The following CD9 variants were observed in gnomAD, a reference collection of about 807,000 sequenced individuals.
CD9 encodes CD9 molecule, also known as CD9 antigen.
CD9 carries 10 observed loss-of-function variants against 31.4 expected under a neutral mutation model. The ratio of observed to expected loss-of-function variants is 0.32; its 90% CI spans 0.20 to 0.54. The LOEUF is 0.54. Ranked by LOEUF, CD9 falls within the 20% of genes least tolerant of loss-of-function variation. The probability of loss-of-function intolerance (pLI) is 0.94; values close to 1 mark genes in which losing one functional copy is unlikely to be tolerated. For missense variants in CD9, 259 were observed against 300.1 expected, an observed-to-expected ratio of 0.86 and a Z score of 1.01; for synonymous variants, 113 against 114.1, an observed-to-expected ratio of 0.99 and a Z score of 0.06.
chr12:6,233,111 A>G lies in CD9; in HGVS notation c.274-301A>G, dbSNP rs11568263. 4.5e-3 allele frequency: 3,117 copies of G among 700,156 alleles called. 78 individuals are homozygous for G. The African/African-American group carries it at 0.047, about 11-fold the overall frequency. The allele number at this position is 700,156 out of a possible 1,614,324, so 43.4% of individuals were successfully genotyped here. ...TTGCCCAAATCTCTTGTCTTTTGTG[A>G]ACAATAGTAGTTGCCTGCTCACTGA... On this transcript the variant is annotated intron_variant, in intron 3 of 7. Coordinates refer to ENST00000009180, the MANE Select transcript of CD9 (RefSeq NM_001769.4).
At chr12:6,233,345 A>G in intron 3 of CD9, 67 bp from the exon 4 acceptor site, 1 of 1,199,458 alleles carries the variant, frequency 8.3e-7, no homozygotes, top group South Asian at 1.2e-5. Flanking sequence ...TTGTCCCAAA[A>G]TACCCTTTGA....
intron 1 of CD9, among the ~76,000 whole-genome samples, chr12:6,202,721 G>A (rs144894837): frequency 6.6e-6 from 1 of 152,370 alleles, no homozygotes; most frequent in Non-Finnish European, 1.5e-5. Flanking sequence ...CAGCCTAGGT[G>A]CAGCTGATGA....
intron 1 of CD9, among the ~76,000 whole-genome samples, chr12:6,219,963 C>T (rs758986269): frequency 3.3e-5 from 5 of 152,118 alleles, no homozygotes; most frequent in Non-Finnish European, 4.4e-5. Context: ...AATGACCATC[C>T]GTCCAAAGCA....
chr12:6,224,231 G>A (rs1415465775), intron 1 of CD9, among the ~76,000 whole-genome samples: 1 of 152,148 alleles, frequency 6.6e-6, no homozygotes, highest in Non-Finnish European at 1.5e-5. Context: ...AAAAGGCAGG[G>A]AAGGGCCGCA....
At chr12:6,203,801 AG>A (rs1946100313) in intron 1 of CD9, among the ~76,000 whole-genome samples, 1 of 152,164 alleles carries the variant, frequency 6.6e-6, no homozygotes, top group South Asian at 2.1e-4. Context: ...GGTTAGGGCC[AG>A]TCCAGTCTGA....
intron 1 of CD9, among the ~76,000 whole-genome samples, chr12:6,206,345 C>A (rs1318398972): frequency 6.6e-6 from 1 of 151,994 alleles, no homozygotes. Flanking sequence ...ACCTCAGCCT[C>A]CTGAGTAACT....
At chr12:6,219,055 G>A (rs1946268182) in intron 1 of CD9, among the ~76,000 whole-genome samples, 1 of 152,158 alleles carries the variant, frequency 6.6e-6, no homozygotes, top group African/African-American at 2.4e-5. Context: ...ACCCAGGCTG[G>A]AGTGCAGTGG....
intron 1 of CD9, among the ~76,000 whole-genome samples, chr12:6,202,577 A>G (rs1369053705): frequency 6.6e-6 from 1 of 152,190 alleles, no homozygotes; most frequent in African/African-American, 2.4e-5. Flanking sequence ...GCCCCATGGC[A>G]TATGCAGGAA....
chr12:6,209,683 T>C (rs1011888137), intron 1 of CD9, among the ~76,000 whole-genome samples: 53 of 54,732 alleles, frequency 9.7e-4, no homozygotes, highest in African/African-American at 2.2e-3. Flanking sequence ...AAATTTCTTT[T>C]TTTTTTTTTT....
chr12:6,204,275 A>G (rs1176617172), intron 1 of CD9, among the ~76,000 whole-genome samples: 1 of 152,240 alleles, frequency 6.6e-6, no homozygotes, highest in Non-Finnish European at 1.5e-5. Flanking sequence ...AACCCAAAAT[A>G]GGAACCAATA....
intron 2 of CD9, among the ~76,000 whole-genome samples, chr12:6,230,309 C>A (rs1219619413): frequency 1.3e-5 from 2 of 152,230 alleles, no homozygotes; most frequent in African/African-American, 4.8e-5. Context: ...CTCTGCTGAG[C>A]CCTAGCATGA....
At chr12:6,218,041 AT>A (rs746750956) in intron 1 of CD9, among the ~76,000 whole-genome samples, 245 of 152,246 alleles carry the variant, frequency 1.6e-3, no homozygotes, top group Non-Finnish European at 2.8e-3. Flanking sequence ...CCTGGACAAC[AT>A]GGGGAAACTT....
chr12:6,228,203 C>T (rs991530501), intron 2 of CD9, among the ~76,000 whole-genome samples: 1 of 152,150 alleles, frequency 6.6e-6, no homozygotes, highest in Non-Finnish European at 1.5e-5. Context: ...GCAGAAGCGC[C>T]GGCAAGGGGG....
intron 1 of CD9, among the ~76,000 whole-genome samples, chr12:6,210,571 G>A (rs960694509): frequency 3.3e-5 from 5 of 152,196 alleles, no homozygotes; most frequent in Admixed American, 3.3e-4. Flanking sequence ...GGGAGGAGGC[G>A]CGTCTGCAAG....
At chr12:6,226,314 G>C (rs574898861) in intron 2 of CD9, 1 of 152,284 alleles carries the variant, frequency 6.6e-6, no homozygotes, top group African/African-American at 2.4e-5. Context: ...AGTTGCCCGC[G>C]TCTGCGTGAA....
At chr12:6,230,027 G>A (rs566933182) in intron 2 of CD9, among the ~76,000 whole-genome samples, 2 of 152,290 alleles carry the variant, frequency 1.3e-5, no homozygotes, top group East Asian at 3.9e-4. Context: ...CAAGCTTGGG[G>A]TGTAAGCGAT....
chr12:6,218,328 A>G (rs376554972), intron 1 of CD9, among the ~76,000 whole-genome samples: 5 of 152,208 alleles, frequency 3.3e-5, no homozygotes, highest in African/African-American at 9.6e-5. Flanking sequence ...TTTGACCACA[A>G]AGGATTTTTC....
intron 1 of CD9, 133 bp downstream of exon 1, chr12:6,200,698 GC>G: frequency 3.5e-6 from 2 of 570,492 alleles, no homozygotes; most frequent in Middle Eastern, 7.3e-4. Flanking sequence ...AAGAGAGAGC[GC>G]CCTGCGGCTG....
chr12:6,229,435 TAC>T (rs144825111), intron 2 of CD9, among the ~76,000 whole-genome samples: 141 of 152,272 alleles, frequency 9.3e-4, no homozygotes, highest in African/African-American at 3.3e-3. Flanking sequence ...CAGCACAGCT[TAC>T]ACACCCACTC....
Sources: allele counts gnomAD v4.1 joint callset (sites outside exome capture counted in the v4.1 genomes callset), GRCh38; gene constraint gnomAD v4.1.1; transcripts MANE v1.5; gene names NCBI Gene and HGNC (gene_info 2026-07-23, HGNC 2026-07-21).